SYTL3: variants seen among roughly 807,000 people sequenced by gnomAD.
The protein encoded by SYTL3 is synaptotagmin like 3, also known as synaptotagmin-like protein 3.
SYTL3 carries 88 observed loss-of-function variants against 82.1 expected under a neutral mutation model. The observed-to-expected ratio is 1.07, with a 90% CI of 0.90 to 1.28. The LOEUF (loss-of-function observed/expected upper bound fraction) is 1.28, where lower values mean the gene tolerates loss of function less well. Among genes scored for constraint, SYTL3 ranks in the 50% most tolerant of loss-of-function variants. SYTL3 has a pLI of 0.00. For missense variants in SYTL3, 831 were observed against 757.6 expected (o/e 1.10, Z -1.14); for synonymous variants, 311 against 289.4 (o/e 1.07, Z -0.76).
chr6:158,764,219 C>T (rs1429824276), intron 17 of SYTL3, among the ~76,000 whole-genome samples: 1 of 152,228 alleles, frequency 6.6e-6, no homozygotes, highest in Non-Finnish European at 1.5e-5. Context: ...TTGGTGAAGA[C>T]CCAGCCCACC....
At chr6:158,701,689 G>A (rs537424667) in intron 6 of SYTL3, among the ~76,000 whole-genome samples, 78 of 151,898 alleles carry the variant, frequency 5.1e-4, no homozygotes, top group African/African-American at 1.8e-3. Context: ...TCAAGCACCC[G>A]CGGCCTCTGG....
At chr6:158,690,324 C>A (rs1779729146) in intron 6 of SYTL3, among the ~76,000 whole-genome samples, 2 of 152,384 alleles carry the variant, frequency 1.3e-5, no homozygotes, top group South Asian at 4.1e-4. Context: ...GTGCCCAGCA[C>A]TGAGTAGGCA....
chr6:158,745,420 G>T, intron 11 of SYTL3, 60 bp from the exon 12 acceptor site: 1 of 1,447,276 alleles, frequency 6.9e-7, no homozygotes, highest in South Asian at 1.2e-5. Context: ...CTTGAAACCA[G>T]AACATCAAAA....
At chr6:158,700,048 G>C (rs1045758183) in intron 6 of SYTL3, among the ~76,000 whole-genome samples, 6 of 152,132 alleles carry the variant, frequency 3.9e-5, no homozygotes, top group African/African-American at 1.4e-4. Context: ...CTGAGGTCAG[G>C]AGTTCGAGAC....
chr6:158,705,849 C>A (rs1027828271), intron 6 of SYTL3, among the ~76,000 whole-genome samples: 1 of 152,116 alleles, frequency 6.6e-6, no homozygotes, highest in Non-Finnish European at 1.5e-5. Context: ...TATTGCCGCC[C>A]GCAGACTGCT....
chr6:158,672,346 C>A (rs530631512), intron 5 of SYTL3, among the ~76,000 whole-genome samples: 3 of 152,108 alleles, frequency 2.0e-5, no homozygotes, highest in African/African-American at 7.2e-5. Context: ...CACGTCATTG[C>A]GTATTTGAGA....
At chr6:158,725,825 C>T (rs1012278835) in intron 11 of SYTL3, 188 bp downstream of exon 11, 15 of 823,732 alleles carry the variant, frequency 1.8e-5, no homozygotes, top group African/African-American at 5.1e-5. Context: ...GTTGCGTTAT[C>T]CTCAGGCCTG....
chr6:158,663,768 C>T (rs773456303), intron 4 of SYTL3: 40 of 232,616 alleles, frequency 1.7e-4, no homozygotes, highest in Non-Finnish European at 2.6e-4. Flanking sequence ...TTGACGGTGC[C>T]GGGAGGTGTA....
At chr6:158,722,773 T>G (rs1295991295) in intron 10 of SYTL3, among the ~76,000 whole-genome samples, 2 of 142,182 alleles carry the variant, frequency 1.4e-5, no homozygotes, top group African/African-American at 5.4e-5. Flanking sequence ...TTTTTTTTTT[T>G]TTTTTTTTTT....
chr6:158,735,807 C>CGT (rs1355128966), intron 11 of SYTL3, among the ~76,000 whole-genome samples: 1 of 152,094 alleles, frequency 6.6e-6, no homozygotes, highest in Admixed American at 6.6e-5. Context: ...AATAGAGCTC[C>CGT]GTGTTGGTAA....
intron 4 of SYTL3, chr6:158,663,599 AT>A: frequency 1.0e-6 from 1 of 985,186 alleles, no homozygotes; most frequent in Non-Finnish European, 1.2e-6. Context: ...CGCTCTTGTT[AT>A]TCATTTAAAA....
chr6:158,732,413 T>C (rs73797091), intron 11 of SYTL3, among the ~76,000 whole-genome samples: 7,255 of 152,312 alleles, frequency 0.048, 593 homozygotes, highest in African/African-American at 0.16. Flanking sequence ...CCATCCGCAC[T>C]CTAAATAAAA....
At chr6:158,680,575 C>CAAA (rs71297002) in intron 5 of SYTL3, among the ~76,000 whole-genome samples, 1,742 of 78,224 alleles carry the variant, frequency 0.022, 81 homozygotes, top group African/African-American at 0.048. Context: ...CCCGTCTCTA[C>CAAA]AAAAAAAAAA....
chr6:158,757,065 C>T, intron 13 of SYTL3, 146 bp from the exon 14 acceptor site: 3 of 519,502 alleles, frequency 5.8e-6, no homozygotes, highest in Non-Finnish European at 9.3e-6. Context: ...TCCCTGGCTG[C>T]ATCCGCATCT....
At chr6:158,691,686 C>G (rs141810524) in intron 6 of SYTL3, among the ~76,000 whole-genome samples, 6,276 of 151,462 alleles carry the variant, frequency 0.041, 357 homozygotes, top group African/African-American at 0.13. Flanking sequence ...GAGTCTCGCT[C>G]TGTCGCCCAG....
At position 158,682,991 on chromosome 6, in the gene SYTL3, T is replaced by C; in HGVS notation, c.394+2T>C. On this transcript the variant is annotated splice_donor_variant, in intron 6 of 17. Coordinates refer to ENST00000611299, the MANE Select transcript of SYTL3 (RefSeq NM_001242394.2). LOFTEE classifies it high-confidence loss of function. ...GAGCCAAGAAATTTCCAACTGGAGG[T>C]AAATGCTCTTTACTTTTTTAGTAAA... 6.2e-7 allele frequency: 1 copy of C among 1,601,888 alleles called. No homozygotes were observed.
In SYTL3 at chr6:158,757,272, G is replaced by A. The variant is rs766688950; in HGVS notation, c.1199G>A (p.Gly400Asp). The A allele has an allele frequency of 3.7e-5, 60 of 1,613,398 alleles. No homozygotes were observed. The East Asian group carries it at 1.3e-3, about 34-fold the overall frequency. The change falls in exon 14 of 18, where the codon GGC (glycine) becomes GAC (aspartate). Residue 400 changes from glycine (G) to aspartate (D), a missense_variant. By Grantham distance (94) the Gly-to-Asp change is moderately conservative. Transcript: ENST00000611299. ...RQLQVSVWHL[G>D]TLARRVFLGE... ...CTGCAGGTCTCGGTGTGGCATCTGGGCACGCTGGCCCGGAGAGTGTTTCTT... is the reference window on the plus strand; with the variant it reads ...CTGCAGGTCTCGGTGTGGCATCTGGACACGCTGGCCCGGAGAGTGTTTCTT...
intron 12 of SYTL3, among the ~76,000 whole-genome samples, chr6:158,747,429 A>G (rs914570606): frequency 2.6e-5 from 4 of 152,128 alleles, no homozygotes; most frequent in Non-Finnish European, 5.9e-5. Context: ...TGGTGCCACT[A>G]TAGCTCACTG....
intron 9 of SYTL3, among the ~76,000 whole-genome samples, chr6:158,714,725 TTC>T (rs1039873541): frequency 5.3e-5 from 8 of 152,242 alleles, no homozygotes; most frequent in African/African-American, 1.9e-4. Context: ...AGGCATGGAT[TTC>T]TCTTTCACTG....
Sources: gnomAD v4.1 joint callset for allele counts (sites outside exome capture counted in the v4.1 genomes callset) on GRCh38, gnomAD v4.1.1 for gene constraint, MANE v1.5 for transcripts, NCBI Gene and HGNC (gene_info 2026-07-23, HGNC 2026-07-21) for gene names.